The following TPCN1 variants were observed in gnomAD, a reference collection of about 807,000 sequenced individuals.
TPCN1 encodes the protein two pore segment channel 1, also known as two pore channel protein 1.
A neutral mutation model predicts 108.8 loss-of-function variants in TPCN1; 52 were observed. That is an observed-to-expected ratio of 0.48 (90% CI 0.38 to 0.60). The LOEUF (loss-of-function observed/expected upper bound fraction) is 0.60, where lower values mean the gene tolerates loss of function less well. Among genes scored for constraint, TPCN1 ranks in the 20% least tolerant of loss-of-function variants. The pLI is 0.00. For synonymous variants in TPCN1, 446 were observed against 433.7 expected (o/e 1.03, Z -0.35); for missense variants, 806 against 1,072.8 (o/e 0.75, Z 3.47).
At chr12:113,236,237 C>T (rs531315704) in intron 2 of TPCN1, among the ~76,000 whole-genome samples, 1 of 152,278 alleles carries the variant, frequency 6.6e-6, no homozygotes, top group East Asian at 1.9e-4. Context: ...TGTGTTTTGC[C>T]TGAACTGTGT....
At chr12:113,267,057 C>T (rs1452426836) in intron 4 of TPCN1, among the ~76,000 whole-genome samples, 1 of 152,182 alleles carries the variant, frequency 6.6e-6, no homozygotes, top group African/African-American at 2.4e-5. Context: ...CCTGTCCCTT[C>T]ACTTTGTCAA....
Position 113,280,101 on chromosome 12 carries a change from G to T in TPCN1, c.1298-50G>T, listed in dbSNP as rs546285350. On this transcript the variant is annotated intron_variant, in intron 14 of 27. Coordinates refer to ENST00000335509, the MANE Select transcript of TPCN1 (RefSeq NM_017901.6). ...ATAATAATAATTAAGGATACAGTAG[G>T]GGGAACAAGTGCGTAAATTTACATT... 498 of 1,405,780 alleles carry T rather than the reference G, an allele frequency of 3.5e-4. 6 individuals carry two copies. In the South Asian group the frequency reaches 5.3e-3, roughly 15 times the overall value. The allele number at this position is 1,405,780 out of a possible 1,614,324, so 87.1% of individuals were successfully genotyped here. A position where few individuals can be genotyped will look rare whatever the true frequency, so the allele number is the denominator to read the frequency against.
chr12:113,245,455 G>C (rs1482574832), intron 2 of TPCN1, among the ~76,000 whole-genome samples: 74 of 145,988 alleles, frequency 5.1e-4, no homozygotes, highest in African/African-American at 1.9e-3. Context: ...CAAAAAATTA[G>C]CCGGGCGTGG....
At position 113,266,113 on chromosome 12, in the gene TPCN1, C is replaced by T. The variant is rs538351936; in HGVS notation, c.238-67C>T. On this transcript the variant is annotated intron_variant, in intron 3 of 27. Coordinates refer to ENST00000335509, the MANE Select transcript of TPCN1 (RefSeq NM_017901.6). The surrounding 1 kb of genome is among the most constrained non-coding windows in gnomAD (Gnocchi z 4.2). Reference sequence around the variant, plus strand: ...TGGGGCCTTCCTTTCCTCCCCTGCCCGCGGCTCCTCTTTGGCGTTGGATGG... The same window carrying T: ...TGGGGCCTTCCTTTCCTCCCCTGCCTGCGGCTCCTCTTTGGCGTTGGATGG... 1,167 of 1,561,438 alleles carry T rather than the reference C, an allele frequency of 7.5e-4. No homozygotes were observed. Among genetic ancestry groups the T allele is most frequent in the Admixed American group, 1.4e-3 (78 of 57,710 alleles).
chr12:113,246,892 G>C (rs781186663), intron 2 of TPCN1, among the ~76,000 whole-genome samples: 1 of 152,192 alleles, frequency 6.6e-6, no homozygotes, highest in African/African-American at 2.4e-5. Flanking sequence ...GGGGTGATGC[G>C]GGGTGAGCCT....
In TPCN1 at chr12:113,231,213, A is replaced by G. The variant is rs1049715799; in HGVS notation, c.112+4249A>G. Among the ~76,000 whole-genome samples, 2 of 152,224 alleles carry G rather than the reference A, an allele frequency of 1.3e-5. No homozygotes were observed. Among genetic ancestry groups the G allele is most frequent in the Non-Finnish European group, 2.9e-5 (2 of 68,032 alleles). ...CTCCATGTCTGGTTGGGCACCCCTA[A>G]CAAAACACCATGGACTGGTGGCTTA... is the stretch of plus-strand genomic sequence containing the variant. On this transcript the variant is annotated intron_variant, in intron 2 of 27. Coordinates refer to ENST00000335509, the MANE Select transcript of TPCN1 (RefSeq NM_017901.6). The surrounding 1 kb of genome is among the most constrained non-coding windows in gnomAD (Gnocchi z 4.3).
At chr12:113,281,162 A>T (rs1955874654) in intron 15 of TPCN1, among the ~76,000 whole-genome samples, 1 of 151,764 alleles carries the variant, frequency 6.6e-6, no homozygotes, top group Non-Finnish European at 1.5e-5. Flanking sequence ...TGTCTCACTC[A>T]CCTGAGTAGC....
chr12:113,267,138 G>C (rs76515586), intron 4 of TPCN1, among the ~76,000 whole-genome samples: 2,231 of 152,282 alleles, frequency 0.015, 25 homozygotes, highest in Non-Finnish European at 0.023. Context: ...TCCTATGTCT[G>C]TTTCCCAGAA....
intron 2 of TPCN1, among the ~76,000 whole-genome samples, chr12:113,242,392 G>A (rs1954178677): frequency 6.6e-6 from 1 of 152,214 alleles, no homozygotes; most frequent in Non-Finnish European, 1.5e-5. Flanking sequence ...ACAGTGGAGG[G>A]AAAGGTGAGG....
intron 1 of TPCN1, among the ~76,000 whole-genome samples, chr12:113,223,547 G>A (rs549181159): frequency 1.1e-4 from 16 of 150,374 alleles, no homozygotes; most frequent in African/African-American, 3.9e-4. Context: ...TAAATTTTTA[G>A]TTTATTTATT....
chr12:113,227,438 C>T (rs1593065963), intron 2 of TPCN1, among the ~76,000 whole-genome samples: 2 of 152,170 alleles, frequency 1.3e-5, no homozygotes, highest in East Asian at 1.9e-4. Flanking sequence ...GGGAAGAGGG[C>T]GAGTGTTTTG....
chr12:113,240,720 A>G (rs1290250041), intron 2 of TPCN1, among the ~76,000 whole-genome samples: 2 of 151,030 alleles, frequency 1.3e-5, no homozygotes, highest in Non-Finnish European at 2.9e-5. Flanking sequence ...AGAATTAAAA[A>G]TCAAGCAGCT....
At chr12:113,244,262 C>T (rs1954262623) in intron 2 of TPCN1, 4 of 978,120 alleles carry the variant, frequency 4.1e-6, no homozygotes, top group South Asian at 9.5e-5. Flanking sequence ...TTTCTTTTTC[C>T]CTTTCCTCCT....
At chr12:113,295,272 A>G (rs768871178) in intron 27 of TPCN1, among the ~76,000 whole-genome samples, 1 of 152,000 alleles carries the variant, frequency 6.6e-6, no homozygotes, top group African/African-American at 2.4e-5. Context: ...CTAAAAGTCT[A>G]TGGTTCAGTC....
chr12:113,260,423 T>C lies in TPCN1; in HGVS notation c.168T>C (p.Gly56=). The C allele has an allele frequency of 1.9e-6, 3 of 1,551,816 alleles. No individual in the cohort carries two copies. The highest frequency in any genetic ancestry group is 2.6e-6 in the Non-Finnish European group (3 of 1,154,084). The change falls in exon 3 of 28, where the codon GGT becomes GGC. Residue 56 remains glycine, a synonymous_variant. Coordinates refer to ENST00000335509, the MANE Select transcript of TPCN1 (RefSeq NM_017901.6). ...DSQAPSLSSG[G]ESSPSSPAHN... ...AGGCCCCCAGTCTCAGCTCTGGGGG[T>C]GAGAGTTCCCCCTCCAGCCCCGCAC...
At position 113,266,230 on chromosome 12, in the gene TPCN1, G is replaced by A. The variant is rs201653924; in HGVS notation, c.288G>A (p.Ala96=). ...TCACCCACCCCAAGGATGCCAAGGCGCTGGCGGCCTACCTCTTTGCACACA... is the reference window on the plus strand; with the variant it reads ...TCACCCACCCCAAGGATGCCAAGGCACTGGCGGCCTACCTCTTTGCACACA... The part of the protein sequence containing the change: ...KFFTHPKDAK[A]LAAYLFAHNH... Residue 96 remains alanine (A), a synonymous_variant, in exon 4 of 28, where the codon GCG becomes GCA. Transcript: ENST00000335509. This position sits in a 1 kb window ranked among gnomAD's most constrained non-coding sequence, Gnocchi z 4.2. 3.7e-6 allele frequency: 6 copies of A among 1,614,172 alleles called. No individual in the cohort carries two copies. In the East Asian group the frequency reaches 6.7e-5, roughly 18 times the overall value.
rs117969449 is a variant in TPCN1, at chr12:113,294,676, C to T, written c.2335-1284C>T. ...CAGATGTTTTTCTTTTTTTGCATGA[C>T]CTCCCAATCTTTACATATTGGCAGC... is the stretch of plus-strand genomic sequence containing the variant. On this transcript the variant is annotated intron_variant, in intron 27 of 27. Transcript: ENST00000335509. 1.2e-4 allele frequency among the ~76,000 whole-genome samples: 18 copies of T among 151,126 alleles called. No homozygotes were observed. The East Asian group carries it at 3.3e-3, about 28-fold the overall frequency.
At chr12:113,279,369 ATATATATATATATATATATATATTTTT>A (rs1170856173) in intron 14 of TPCN1, among the ~76,000 whole-genome samples, 3 of 20,894 alleles carry the variant, frequency 1.4e-4, no homozygotes, top group African/African-American at 6.8e-4. Flanking sequence ...GTATATATAT[ATATATATATATATATATATATATTTTT>A]TTTTTTTTTT....
At position 113,266,318 on chromosome 12, in the gene TPCN1, G is replaced by T; in HGVS notation, c.376G>T (p.Glu126Ter). The T allele has an allele frequency of 6.2e-7, 1 of 1,611,246 alleles. No homozygotes were observed. Among genetic ancestry groups the T allele is most frequent in the Non-Finnish European group, 8.5e-7 (1 of 1,180,002 alleles). Residue 126 changes from glutamate to a stop codon, truncating the protein, a stop_gained, in exon 4 of 28, where the codon GAG (glutamate) becomes TAG (stop). Coordinates refer to ENST00000335509, the MANE Select transcript of TPCN1 (RefSeq NM_017901.6). LOFTEE classifies it high-confidence loss of function. The surrounding 1 kb of genome is among the most constrained non-coding windows in gnomAD (Gnocchi z 4.2). ...GCTGCTGCTGCTGCTCTCCCTGTGC[G>T]AGGCCCCCGCCGTCCCCGCACTCCG... ...ALLLLLLSLC[E>*]APAVPALRLG...
Sources: allele counts gnomAD v4.1 joint callset (sites outside exome capture counted in the v4.1 genomes callset), GRCh38; gene constraint gnomAD v4.1.1; non-coding constraint Gnocchi (gnomAD v3.1); transcripts MANE v1.5; gene names NCBI Gene and HGNC (gene_info 2026-07-23, HGNC 2026-07-21).